The following DPP6 variants were observed in gnomAD, a reference collection of about 807,000 sequenced individuals.
DPP6 encodes the protein dipeptidyl peptidase like 6.
DPP6 carries 69 observed loss-of-function variants against 122.6 expected under a neutral mutation model. The observed-to-expected ratio is 0.56, with a 90% CI of 0.46 to 0.69. DPP6 has a LOEUF of 0.69. Ranked by LOEUF, DPP6 falls within the 30% of genes least tolerant of loss-of-function variation. The pLI is 0.00. For missense variants in DPP6, 928 were observed against 1,116.9 expected, an observed-to-expected ratio of 0.83 and a Z score of 2.41; for synonymous variants, 418 against 433.1, an observed-to-expected ratio of 0.97 and a Z score of 0.43.
At chr7:154,398,106 G>A (rs761571682) in intron 1 of DPP6, among the ~76,000 whole-genome samples, 2 of 152,142 alleles carry the variant, frequency 1.3e-5, no homozygotes, top group African/African-American at 2.4e-5. Context: ...TACATAATGC[G>A]TCAGGGTGTG....
chr7:154,883,883 ACATG>A (rs1563323628), intron 21 of DPP6: 3 of 118,718 alleles, frequency 2.5e-5, no homozygotes, highest in African/African-American at 3.6e-5. Flanking sequence ...CCACATACAT[ACATG>A]CTCACACACA....
intron 5 of DPP6, among the ~76,000 whole-genome samples, chr7:154,629,089 G>A (rs771516992): frequency 1.2e-4 from 18 of 152,072 alleles, no homozygotes; most frequent in South Asian, 2.1e-4. Context: ...ACAAAACCTC[G>A]GCTTGGATTG....
At chr7:154,211,035 A>G (rs1221270692) in intron 1 of DPP6, among the ~76,000 whole-genome samples, 1 of 152,144 alleles carries the variant, frequency 6.6e-6, no homozygotes, top group African/African-American at 2.4e-5. Context: ...CTGTTGCCCA[A>G]ACTGGATCCA....
At chr7:153,935,494 C>T (rs989682621) in intron 1 of DPP6, among the ~76,000 whole-genome samples, 1 of 152,192 alleles carries the variant, frequency 6.6e-6, no homozygotes, top group African/African-American at 2.4e-5. Flanking sequence ...CCTGGCTCAG[C>T]TGGTCTCCCT....
chr7:154,008,063 C>A (rs1257074315), intron 1 of DPP6, among the ~76,000 whole-genome samples: 1 of 152,142 alleles, frequency 6.6e-6, no homozygotes, highest in African/African-American at 2.4e-5. Context: ...TATTAATGAC[C>A]GTAAGGCAAT....
intron 2 of DPP6, among the ~76,000 whole-genome samples, chr7:154,471,790 C>G (rs1378713154): frequency 6.6e-6 from 1 of 152,038 alleles, no homozygotes; most frequent in Non-Finnish European, 1.5e-5. Flanking sequence ...GAGAAAATGA[C>G]ATTTTAGATT....
At chr7:153,754,130 A>G in the DPP6 span, among the ~76,000 whole-genome samples, 2 of 152,208 alleles carry the variant, frequency 1.3e-5, no homozygotes, top group South Asian at 4.1e-4. Context: ...TTATTTTACC[A>G]CAAGGACAGG....
intron 1 of DPP6, among the ~76,000 whole-genome samples, chr7:154,302,070 C>T (rs75076746): frequency 1.3e-5 from 2 of 152,088 alleles, no homozygotes; most frequent in Admixed American, 6.6e-5. Flanking sequence ...ACCCTCTTAA[C>T]GGATTTTTAG....
At chr7:154,507,103 T>C (rs1202846126) in intron 3 of DPP6, among the ~76,000 whole-genome samples, 1 of 152,116 alleles carries the variant, frequency 6.6e-6, no homozygotes, top group Non-Finnish European at 1.5e-5. Context: ...TGATGGCCAT[T>C]GAGTGTGTTA....
At chr7:153,937,485 G>A (rs975365172) in intron 1 of DPP6, among the ~76,000 whole-genome samples, 3 of 132,620 alleles carry the variant, frequency 2.3e-5, no homozygotes, top group Admixed American at 1.7e-4. Flanking sequence ...GTCTCACTTG[G>A]TTGCCCAGGC....
rs368197169 is a variant in DPP6, at chr7:154,128,527, G to A, written c.243+75464G>A. Among the ~76,000 whole-genome samples the A allele has an allele frequency of 8.0e-3, 1,215 of 152,086 alleles. 46 individuals are homozygous for A. Among genetic ancestry groups the A allele is most frequent in the East Asian group, 0.054 (278 of 5,138 alleles). On this transcript the variant is annotated intron_variant, in intron 1 of 25. Transcript: ENST00000377770. ...CGCCATTCTCCTGCCTCAGCCTCCC[G>A]AGTAGCTGGGACTACAGGCGCCCGC...
At chr7:154,725,592 C>A (rs1326209820) in intron 7 of DPP6, among the ~76,000 whole-genome samples, 2 of 152,158 alleles carry the variant, frequency 1.3e-5, no homozygotes, top group Middle Eastern at 3.2e-3. Flanking sequence ...CCAGGCCCCA[C>A]CTCCAATATT....
Position 154,061,463 on chromosome 7 carries a change from G to GC in DPP6, c.243+8406dup, listed in dbSNP as rs1410642566. The stretch of plus-strand genomic sequence containing the variant: ...AACTAGACAGGGTTGCTAAAGGATG[G>GC]CCCCCCTATTAGAGGGCCTTGGCAG... On this transcript the variant is annotated intron_variant, in intron 1 of 25. Transcript: ENST00000377770. 1.6e-4 allele frequency among the ~76,000 whole-genome samples: 24 copies of GC among 146,914 alleles called. 2 individuals are homozygous for GC. Among genetic ancestry groups the GC allele is most frequent in the Non-Finnish European group, 3.7e-4 (24 of 65,636 alleles).
the DPP6 span, among the ~76,000 whole-genome samples, chr7:153,765,886 A>G: frequency 6.6e-6 from 1 of 152,170 alleles, no homozygotes; most frequent in Non-Finnish European, 1.5e-5. Context: ...CCCTGTTGCA[A>G]TGCTTCTTCT....
At chr7:154,287,325 TTTTCTG>T (rs1296059754) in intron 1 of DPP6, among the ~76,000 whole-genome samples, 9 of 152,132 alleles carry the variant, frequency 5.9e-5, no homozygotes, top group African/African-American at 2.2e-4. Context: ...CACTCAAATG[TTTTCTG>T]TTTCTAAGTG....
At chr7:153,755,376 C>CT in the DPP6 span, among the ~76,000 whole-genome samples, 14 of 142,862 alleles carry the variant, frequency 9.8e-5, no homozygotes, top group East Asian at 2.6e-3. Flanking sequence ...CACTCAGTCT[C>CT]TTTTTTATTT....
intron 8 of DPP6, among the ~76,000 whole-genome samples, chr7:154,733,917 G>A (rs938456447): frequency 5.3e-5 from 8 of 152,188 alleles, no homozygotes; most frequent in Non-Finnish European, 1.2e-4. Context: ...TTCATGACAC[G>A]TTAGATATGT....
chr7:154,776,259 A>G (rs1482762135), intron 10 of DPP6, among the ~76,000 whole-genome samples: 1 of 148,952 alleles, frequency 6.7e-6, no homozygotes, highest in Non-Finnish European at 1.5e-5. Flanking sequence ...ATAGATAGAT[A>G]GATGATTGAT....
At chr7:154,867,914 G>A (rs1281032139) in intron 17 of DPP6, 81 bp from the exon 18 acceptor site, 87 of 1,455,944 alleles carry the variant, frequency 6.0e-5, no homozygotes, top group Admixed American at 1.0e-4. Flanking sequence ...CAGCAGTTAC[G>A]CACATGAAAA....
Sources: gnomAD v4.1 joint callset for allele counts (sites outside exome capture counted in the v4.1 genomes callset) on GRCh38, gnomAD v4.1.1 for gene constraint, MANE v1.5 for transcripts, NCBI Gene and HGNC (gene_info 2026-07-23, HGNC 2026-07-21) for gene names.